Variants in FGF14 observed in about 807,000 individuals in gnomAD.
FGF14 encodes fibroblast growth factor homologous factor 4.
Under a neutral mutation model 25.5 loss-of-function variants are expected in FGF14, and 5 were observed. The observed-to-expected ratio is 0.20, with a 90% confidence interval of 0.10 to 0.41. The LOEUF (loss-of-function observed/expected upper bound fraction) is 0.41. FGF14 is among the 10% of genes least tolerant of loss of function. The probability of loss-of-function intolerance (pLI) is 1.00; values close to 1 mark genes in which losing one functional copy is unlikely to be tolerated. For missense variants in FGF14, 222 were observed against 320.1 expected (o/e 0.69, Z 2.34); for synonymous variants, 138 against 118.3 (o/e 1.17, Z -1.08).
At position 102,400,280 on chromosome 13, in the gene FGF14, C is replaced by T. The variant is rs2058672767; in HGVS notation, c.208+1191G>A. ...ATGATCTACTGCACCGCAGTGCCAG[C>T]GTCAGGAGCTTCCAGAGCCCGGGCT... On this transcript the variant is annotated intron_variant, in intron 1 of 4. Coordinates refer to the FGF14 transcript ENST00000376131. The surrounding 1 kb of genome is among the most constrained non-coding windows in gnomAD (Gnocchi z 4.3). Among the ~76,000 whole-genome samples the T allele has an allele frequency of 6.6e-6, 1 of 152,196 alleles. No homozygotes were observed. Among genetic ancestry groups the T allele is most frequent in the African/African-American group, 2.4e-5 (1 of 41,452 alleles).
chr13:102,048,769 C>T (rs1457315), intron 1 of FGF14, among the ~76,000 whole-genome samples: 55,500 of 151,960 alleles, frequency 0.37, 10,855 homozygotes, highest in East Asian at 0.72. Context: ...AGAGTTTGTG[C>T]CCAATTCCAG....
At chr13:101,919,078 C>T (rs1469738150), upstream of FGF14, among the ~76,000 whole-genome samples, 2 of 152,034 alleles carry the variant, frequency 1.3e-5, no homozygotes, top group Non-Finnish European at 2.9e-5. Flanking sequence ...TGTTGTGTTG[C>T]TGTAGTCCTG....
chr13:102,283,626 T>A (rs751289906), intron 1 of FGF14, among the ~76,000 whole-genome samples: 2 of 152,258 alleles, frequency 1.3e-5, no homozygotes, highest in Non-Finnish European at 2.9e-5. Flanking sequence ...TAAATATTTT[T>A]AAATATTTTC....
chr13:101,858,008 A>T (rs1408716657), intron 3 of FGF14, among the ~76,000 whole-genome samples: 1 of 152,038 alleles, frequency 6.6e-6, no homozygotes, highest in Non-Finnish European at 1.5e-5. Context: ...CCTCTGGAAA[A>T]AAAGAAAAAA....
At chr13:101,954,789 A>T (rs2036410540) in intron 1 of FGF14, among the ~76,000 whole-genome samples, 1 of 152,212 alleles carries the variant, frequency 6.6e-6, no homozygotes, top group Non-Finnish European at 1.5e-5. Flanking sequence ...ACAAAATAGC[A>T]GTATAAGTTC....
rs2034523395 is a variant in FGF14 at position 101,712,614 on chromosome 13, CTTCAAAT to C, written c.*10210_*10216del. The C allele has an allele frequency of 6.6e-6, 1 of 152,150 alleles. No individual in the cohort carries two copies. The highest frequency in any genetic ancestry group is 2.1e-4 in the South Asian group (1 of 4,834). 9.4% of individuals were successfully genotyped at this position (152,150 alleles called of 1,614,324 possible). On this transcript the variant is annotated 3_prime_UTR_variant, in exon 5 of 5. Coordinates refer to ENST00000376143, the MANE Select transcript of FGF14 (RefSeq NM_004115.4). Reference sequence around the variant, plus strand: ...AGAAACAACTAAAGACAGCCAAATACTTCAAATAACTAATTTTCCTTCACTCATGGAA... The same window carrying C: ...AGAAACAACTAAAGACAGCCAAATACAACTAATTTTCCTTCACTCATGGAA...
At chr13:101,792,277 C>A (rs975242796) in intron 3 of FGF14, among the ~76,000 whole-genome samples, 6 of 152,038 alleles carry the variant, frequency 3.9e-5, no homozygotes. Context: ...GAGCTGTGGT[C>A]CACACCCAAA....
intron 1 of FGF14, among the ~76,000 whole-genome samples, chr13:102,392,304 C>A (rs2058450862): frequency 6.6e-6 from 1 of 152,194 alleles, no homozygotes; most frequent in African/African-American, 2.4e-5. Flanking sequence ...GAAAACTTGG[C>A]TTTTAATTGC....
chr13:102,182,164 G>T (rs2140757779), intron 1 of FGF14, among the ~76,000 whole-genome samples: 1 of 152,214 alleles, frequency 6.6e-6, no homozygotes, highest in South Asian at 2.1e-4. Context: ...CCAGGCTGCA[G>T]TAGAGAGAGA....
chr13:102,166,586 A>G (rs560174908), intron 1 of FGF14, among the ~76,000 whole-genome samples: 1 of 152,224 alleles, frequency 6.6e-6, no homozygotes, highest in African/African-American at 2.4e-5. Context: ...GCTGTTTAAA[A>G]CGGCCTCCAA....
At chr13:102,288,211 A>G (rs2054200943) in intron 1 of FGF14, among the ~76,000 whole-genome samples, 1 of 152,236 alleles carries the variant, frequency 6.6e-6, no homozygotes, top group Admixed American at 6.5e-5. Context: ...AATATTGCCA[A>G]CTAAAATCTA....
chr13:102,158,440 T>C (rs1258159108), intron 1 of FGF14, among the ~76,000 whole-genome samples: 2 of 150,842 alleles, frequency 1.3e-5, no homozygotes, highest in East Asian at 2.0e-4. Flanking sequence ...AAACACCATA[T>C]GTTCTCACTC....
intron 1 of FGF14, among the ~76,000 whole-genome samples, chr13:101,991,051 C>A (rs2038874257): frequency 6.6e-6 from 1 of 152,066 alleles, no homozygotes; most frequent in Non-Finnish European, 1.5e-5. Flanking sequence ...CACAATACTT[C>A]TTTAACCCTG....
intron 1 of FGF14, among the ~76,000 whole-genome samples, chr13:102,093,537 G>A (rs1358242491): frequency 6.6e-6 from 1 of 152,166 alleles, no homozygotes; most frequent in Middle Eastern, 3.2e-3. Flanking sequence ...GCATGAGCAG[G>A]TCATAACCCT....
intron 1 of FGF14, among the ~76,000 whole-genome samples, chr13:102,178,276 G>C (rs1481572464): frequency 6.6e-6 from 1 of 152,080 alleles, no homozygotes; most frequent in African/African-American, 2.4e-5. Flanking sequence ...TAATTTTCAC[G>C]TCCTGGAAAA....
At chr13:102,100,487 C>A (rs1008229876) in intron 1 of FGF14, among the ~76,000 whole-genome samples, 4 of 152,208 alleles carry the variant, frequency 2.6e-5, no homozygotes, top group Non-Finnish European at 1.5e-5. Flanking sequence ...GCTTGTCCAG[C>A]CAGCATGTCA....
chr13:102,190,210 G>T (rs1464549491), intron 1 of FGF14, among the ~76,000 whole-genome samples: 1 of 152,146 alleles, frequency 6.6e-6, no homozygotes, highest in Non-Finnish European at 1.5e-5. Context: ...GCTTGAATTG[G>T]TTACATTTCC....
At chr13:101,987,815 C>T (rs1479961104) in intron 1 of FGF14, among the ~76,000 whole-genome samples, 1 of 151,950 alleles carries the variant, frequency 6.6e-6, no homozygotes, top group African/African-American at 2.4e-5. Context: ...TCATAGTAGA[C>T]ATCACCTGAG....
intron 1 of FGF14, among the ~76,000 whole-genome samples, chr13:102,161,626 A>AT (rs1566764611): frequency 1.8e-3 from 19 of 10,856 alleles, no homozygotes; most frequent in African/African-American, 0.014. Flanking sequence ...GAAGAAGAAG[A>AT]AGAAGAAGAA....
Sources: gnomAD v4.1 joint callset for allele counts (sites outside exome capture counted in the v4.1 genomes callset) on GRCh38, gnomAD v4.1.1 for gene constraint, Gnocchi (gnomAD v3.1) non-coding constraint, MANE v1.5 for transcripts, NCBI Gene and HGNC (gene_info 2026-07-23, HGNC 2026-07-21) for gene names.